Variants in AKT3 observed in about 807,000 individuals in gnomAD.
AKT3 encodes RAC-gamma serine/threonine-protein kinase.
A neutral mutation model predicts 65.3 loss-of-function variants in AKT3; 15 were observed. The observed-to-expected ratio is 0.23, with a 90% CI of 0.15 to 0.35. The LOEUF is 0.35. Ranked by LOEUF, AKT3 falls within the 10% of genes least tolerant of loss-of-function variation. AKT3 has a pLI of 1.00. For missense variants in AKT3, 243 were observed against 576.5 expected, an observed-to-expected ratio of 0.42 and a Z score of 5.92; for synonymous variants, 206 against 183.8, an observed-to-expected ratio of 1.12 and a Z score of -0.98.
At chr1:243,548,751 T>C (rs1297401326) in intron 11 of AKT3, among the ~76,000 whole-genome samples, 2 of 152,172 alleles carry the variant, frequency 1.3e-5, no homozygotes, top group East Asian at 3.8e-4. Flanking sequence ...GAGGTCATGC[T>C]TTTCCTATCA....
intron 8 of AKT3, 145 bp from the exon 9 acceptor site, chr1:243,573,193 C>T: frequency 1.1e-6 from 1 of 919,720 alleles, no homozygotes; most frequent in Non-Finnish European, 1.5e-6. Flanking sequence ...TAGACAGCAG[C>T]TGGCTTATCT....
intron 8 of AKT3, among the ~76,000 whole-genome samples, chr1:243,587,558 C>T (rs1254806582): frequency 1.3e-5 from 2 of 152,224 alleles, no homozygotes; most frequent in East Asian, 1.9e-4. Context: ...TTGCAGTAAG[C>T]CGAGACTGCA....
chr1:243,805,940 T>C (rs1018539340), intron 2 of AKT3, among the ~76,000 whole-genome samples: 11 of 152,192 alleles, frequency 7.2e-5, no homozygotes, highest in African/African-American at 2.7e-4. Context: ...TGAATAACCA[T>C]TTTCCTTCCC....
intron 1 of AKT3, among the ~76,000 whole-genome samples, chr1:243,845,800 A>G (rs1695496538): frequency 6.6e-6 from 1 of 152,074 alleles, no homozygotes; most frequent in Non-Finnish European, 1.5e-5. Context: ...GATTAAACTG[A>G]GCTACCCAAT....
chr1:243,709,555 C>T (rs1461986523), intron 2 of AKT3, among the ~76,000 whole-genome samples: 1 of 151,794 alleles, frequency 6.6e-6, no homozygotes, highest in African/African-American at 2.4e-5. Context: ...AACTACTAAA[C>T]AGTCTTATTC....
intron 12 of AKT3, among the ~76,000 whole-genome samples, chr1:243,521,806 A>C (rs907253157): frequency 2.0e-5 from 3 of 152,342 alleles, no homozygotes; most frequent in Middle Eastern, 3.4e-3. Flanking sequence ...GGGGTTTGTT[A>C]ACACATGATA....
At chr1:243,653,510 T>A (rs1681533602) in intron 4 of AKT3, among the ~76,000 whole-genome samples, 1 of 152,222 alleles carries the variant, frequency 6.6e-6, no homozygotes, top group Admixed American at 6.5e-5. Flanking sequence ...GACTGCATTA[T>A]CCTGATAAGA....
chr1:243,522,821 CT>C (rs1162587782), intron 12 of AKT3, among the ~76,000 whole-genome samples: 1 of 152,112 alleles, frequency 6.6e-6, no homozygotes, highest in East Asian at 1.9e-4. Context: ...ATTAAAGCTT[CT>C]AACAAGTATC....
At chr1:243,608,914 G>A (rs531216229) in intron 8 of AKT3, among the ~76,000 whole-genome samples, 56 of 151,450 alleles carry the variant, frequency 3.7e-4, no homozygotes, top group Admixed American at 1.1e-3. Context: ...CACCATGCCC[G>A]GCTAATTTTT....
chr1:243,544,563 C>T (rs1330610790), intron 12 of AKT3, among the ~76,000 whole-genome samples: 1 of 152,098 alleles, frequency 6.6e-6, no homozygotes, highest in Non-Finnish European at 1.5e-5. Context: ...GGCTGCTGAG[C>T]TGTGATCGTG....
At chr1:243,497,839 T>C (rs1314422582), downstream of AKT3, among the ~76,000 whole-genome samples, 5 of 152,182 alleles carry the variant, frequency 3.3e-5, no homozygotes, top group East Asian at 9.7e-4. Flanking sequence ...CCACCACACA[T>C]GGCTAATTTT....
At position 243,709,543 on chromosome 1, in the gene AKT3, T is replaced by C. The variant is rs938479883; in HGVS notation, c.47-13827A>G. ...TTGAATAAATTAGATTTTTAAAATT[T>C]GAACTACTAAACAGTCTTATTCTTT... On this transcript the variant is annotated intron_variant, in intron 2 of 13. Coordinates refer to ENST00000673466, the MANE Select transcript of AKT3 (RefSeq NM_005465.7). Among the ~76,000 whole-genome samples the C allele has an allele frequency of 6.6e-4, 100 of 152,076 alleles. 1 individual carries two copies. The highest frequency in any genetic ancestry group is 2.3e-3 in the African/African-American group (94 of 41,576).
intron 2 of AKT3, among the ~76,000 whole-genome samples, chr1:243,827,615 A>G (rs879580912): frequency 5.3e-5 from 8 of 152,212 alleles, no homozygotes; most frequent in Non-Finnish European, 1.2e-4. Context: ...ATTTTTAATC[A>G]TAAAGTTTAA....
intron 8 of AKT3, among the ~76,000 whole-genome samples, chr1:243,602,069 C>A (rs1677048370): frequency 1.3e-5 from 2 of 152,188 alleles, no homozygotes; most frequent in South Asian, 4.1e-4. Context: ...GCAGTTCCAG[C>A]CACTTGATCT....
At chr1:243,833,727 C>A (rs1694695949) in intron 2 of AKT3, among the ~76,000 whole-genome samples, 1 of 151,556 alleles carries the variant, frequency 6.6e-6, no homozygotes, top group African/African-American at 2.4e-5. Flanking sequence ...CCACAATTAT[C>A]AAATTAGAAT....
At chr1:243,845,725 T>C (rs1401621342) in intron 1 of AKT3, among the ~76,000 whole-genome samples, 3 of 151,896 alleles carry the variant, frequency 2.0e-5, no homozygotes, top group Non-Finnish European at 4.4e-5. Flanking sequence ...CATACATACA[T>C]ATAAAATGCA....
At chr1:243,694,507 C>T (rs1415564976) in intron 3 of AKT3, among the ~76,000 whole-genome samples, 1 of 151,382 alleles carries the variant, frequency 6.6e-6, no homozygotes, top group Non-Finnish European at 1.5e-5. Context: ...ATTAAGAATC[C>T]ACTAATATAA....
chr1:243,556,752 T>C, intron 10 of AKT3, among the ~76,000 whole-genome samples: 1 of 152,228 alleles, frequency 6.6e-6, no homozygotes, highest in Admixed American at 6.5e-5. Context: ...ATCTGTATCA[T>C]TTATCATTTA....
rs922494824 is a variant in AKT3 at position 243,500,065 on chromosome 1, A to G, written c.*5184T>C. ...ATTCGTATGCTAGGTTATACATATG[A>G]TTTTCAATAAATGAACTTTTTAAAG... On this transcript the variant is annotated 3_prime_UTR_variant, in exon 14 of 14. Transcript: ENST00000673466. The G allele has an allele frequency of 9.1e-6, 4 of 437,660 alleles. No homozygotes were observed. The South Asian group carries it at 2.1e-4, about 23-fold the overall frequency. 27.1% of individuals were successfully genotyped at this position (437,660 alleles called of 1,614,324 possible).
Sources: allele counts gnomAD v4.1 joint callset (sites outside exome capture counted in the v4.1 genomes callset), GRCh38; gene constraint gnomAD v4.1.1; transcripts MANE v1.5; gene names NCBI Gene and HGNC (gene_info 2026-07-23, HGNC 2026-07-21).